Variants in JAK1 observed in about 807,000 individuals in gnomAD.
The protein encoded by JAK1 is tyrosine-protein kinase JAK1.
JAK1 carries 16 observed loss-of-function variants against 136.6 expected under a neutral mutation model. The observed-to-expected ratio is 0.12, with a 90% CI of 0.08 to 0.18. JAK1 has a LOEUF of 0.18. Ranked by LOEUF, JAK1 falls within the 10% of genes least tolerant of loss-of-function variation. The probability of loss-of-function intolerance (pLI) is 1.00; values close to 1 mark genes in which losing one functional copy is unlikely to be tolerated. For synonymous variants in JAK1, 492 were observed against 519.5 expected (o/e 0.95, Z 0.72); for missense variants, 859 against 1,450.1 (o/e 0.59, Z 6.62).
chr1:65,066,968 G>C (rs911011609), intron 1 of JAK1, among the ~76,000 whole-genome samples: 1 of 151,936 alleles, frequency 6.6e-6, no homozygotes, highest in African/African-American at 2.4e-5. Context: ...CGAGCCAGGC[G>C]CCCGGGGCTC....
chr1:65,037,643 G>A (rs1008261940), intron 2 of JAK1, among the ~76,000 whole-genome samples: 8 of 152,028 alleles, frequency 5.3e-5, no homozygotes, highest in African/African-American at 1.2e-4. Context: ...TAGGAAGATC[G>A]CTTGAGCCCA....
At chr1:64,845,319 T>C (rs1036190635) in intron 15 of JAK1, among the ~76,000 whole-genome samples, 194 bp downstream of exon 15, 1 of 152,160 alleles carries the variant, frequency 6.6e-6, no homozygotes, top group African/African-American at 2.4e-5. Flanking sequence ...AGAACTCATG[T>C]GAGCACAGGG....
chr1:64,898,434 C>G lies in JAK1; in HGVS notation c.-77-12093G>C, dbSNP rs143522751. On this transcript the variant is annotated intron_variant, in intron 1 of 24. Transcript: ENST00000342505. Reference sequence around the variant, plus strand: ...TTACACAGCCCTGTTCCTCTATTATCCAGAATTCAGTGTTCTGGATAACTG... The same window carrying G: ...TTACACAGCCCTGTTCCTCTATTATGCAGAATTCAGTGTTCTGGATAACTG... Among the ~76,000 whole-genome samples the G allele has an allele frequency of 6.1e-3, 930 of 152,328 alleles. 10 individuals are homozygous for G. The highest frequency in any genetic ancestry group is 0.021 in the African/African-American group (891 of 41,556).
At chr1:64,996,993 G>T (rs1313581168) in intron 2 of JAK1, among the ~76,000 whole-genome samples, 1 of 152,132 alleles carries the variant, frequency 6.6e-6, no homozygotes, top group African/African-American at 2.4e-5. Context: ...TATATCCACA[G>T]TTGATACTGT....
chr1:65,067,140 C>T (rs1480339040), intron 1 of JAK1, among the ~76,000 whole-genome samples: 1 of 151,704 alleles, frequency 6.6e-6, no homozygotes, highest in Admixed American at 6.6e-5. Context: ...TGCGGAGGCC[C>T]GGCCCGGCCC....
chr1:64,963,808 A>T (rs1646325674), intron 1 of JAK1, among the ~76,000 whole-genome samples: 1 of 152,098 alleles, frequency 6.6e-6, no homozygotes, highest in Admixed American at 6.5e-5. Flanking sequence ...CCAAAGCAGG[A>T]CTTCTTAACC....
chr1:64,935,756 G>A (rs562452909), intron 1 of JAK1, among the ~76,000 whole-genome samples: 4 of 152,298 alleles, frequency 2.6e-5, no homozygotes, highest in South Asian at 4.1e-4. Context: ...TGCTTGCAAC[G>A]CTGACGGGTC....
Position 64,857,785 on chromosome 1 carries a change from G to A in JAK1, c.1335-6C>T, listed in dbSNP as rs1656036426. ...TATTGATGGCGTATTCTGTACTAGA[G>A]GGAGAAGTAGGCAAAGGGAGAAAGA... On this transcript the variant is annotated splice_region_variant and splice_polypyrimidine_tract_variant and intron_variant, in intron 9 of 24. Coordinates refer to ENST00000342505, the MANE Select transcript of JAK1 (RefSeq NM_002227.4). The A allele has an allele frequency of 6.2e-7, 1 of 1,614,128 alleles. No homozygotes were observed. The highest frequency in any genetic ancestry group is 8.5e-7 in the Non-Finnish European group (1 of 1,179,970).
At chr1:65,036,101 T>C (rs984596354) in intron 2 of JAK1, among the ~76,000 whole-genome samples, 2 of 151,836 alleles carry the variant, frequency 1.3e-5, no homozygotes, top group Non-Finnish European at 2.9e-5. Flanking sequence ...TTTGGGATGA[T>C]GAAAAAGTTA....
Position 64,834,257 on chromosome 1 carries a change from G to A in JAK1, c.*305C>T, listed in dbSNP as rs896822213. On this transcript the variant is annotated 3_prime_UTR_variant, in exon 25 of 25. Transcript: ENST00000342505. ...CCCCTTTTGGTAATGCAGTTGTGAT[G>A]GTGAACTAGCCAGATGAAATGGTGG... 1 of 251,202 alleles carries A rather than the reference G, an allele frequency of 4.0e-6. No homozygotes were observed. Among genetic ancestry groups the A allele is most frequent in the African/African-American group, 2.2e-5 (1 of 45,892 alleles). The allele number at this position is 251,202 out of a possible 1,614,324, so 15.6% of individuals were successfully genotyped here.
chr1:64,907,221 T>C (rs1645204476), intron 1 of JAK1, among the ~76,000 whole-genome samples: 1 of 152,170 alleles, frequency 6.6e-6, no homozygotes, highest in African/African-American at 2.4e-5. Context: ...GACATGGAGA[T>C]GTATGCATAC....
At chr1:64,920,847 GAGT>G (rs1430892305) in intron 1 of JAK1, among the ~76,000 whole-genome samples, 1 of 152,112 alleles carries the variant, frequency 6.6e-6, no homozygotes, top group Non-Finnish European at 1.5e-5. Flanking sequence ...TTCACTGACT[GAGT>G]TAAGTATCAA....
intron 9 of JAK1, 44 bp from the exon 10 acceptor site, chr1:64,857,823 C>G (rs1656038880): frequency 6.2e-7 from 1 of 1,610,250 alleles, no homozygotes; most frequent in African/African-American, 1.3e-5. Flanking sequence ...TCACACCAAA[C>G]AGGACTTTGA....
At chr1:64,957,102 G>A (rs761348451) in intron 1 of JAK1, among the ~76,000 whole-genome samples, 1 of 152,180 alleles carries the variant, frequency 6.6e-6, no homozygotes, top group Non-Finnish European at 1.5e-5. Context: ...TGTAGAGGTG[G>A]CAGTCAGTTT....
chr1:64,942,280 A>G (rs1388905110), intron 1 of JAK1: 2 of 152,186 alleles, frequency 1.3e-5, no homozygotes, highest in African/African-American at 2.4e-5. Flanking sequence ...CTATGCAGAG[A>G]CAATCTGGCC....
intron 2 of JAK1, chr1:64,994,925 C>T (rs1010597563): frequency 7.0e-5 from 10 of 142,900 alleles, no homozygotes; most frequent in African/African-American, 1.8e-4. Context: ...TAAGACGTGA[C>T]ACCATACATG....
At chr1:64,997,351 T>G (rs149301501) in intron 2 of JAK1, among the ~76,000 whole-genome samples, 1 of 152,224 alleles carries the variant, frequency 6.6e-6, no homozygotes, top group African/African-American at 2.4e-5. Flanking sequence ...TGTTTAATAT[T>G]AACTCACATG....
intron 8 of JAK1, among the ~76,000 whole-genome samples, chr1:64,860,981 T>TGTGTATG (rs1656294523): frequency 7.6e-6 from 1 of 130,936 alleles, no homozygotes; most frequent in African/African-American, 2.9e-5. Context: ...TGTGTGTGTG[T>TGTGTATG]TGGGGGTGAC....
At chr1:64,928,789 A>AAAAAAAAAAC (rs1383237233) in intron 1 of JAK1, among the ~76,000 whole-genome samples, 80 of 123,178 alleles carry the variant, frequency 6.5e-4, no homozygotes, top group African/African-American at 2.6e-3. Context: ...AAAAAAAAAA[A>AAAAAAAAAAC]AAAAAAACAA....
Sources: gnomAD v4.1 joint callset for allele counts (sites outside exome capture counted in the v4.1 genomes callset) on GRCh38, gnomAD v4.1.1 for gene constraint, MANE v1.5 for transcripts, NCBI Gene and HGNC (gene_info 2026-07-23, HGNC 2026-07-21) for gene names.